Variants in TMEM132C observed in about 807,000 individuals in gnomAD.
The protein encoded by TMEM132C is protein phosphatase 1, regulatory subunit 152.
A neutral mutation model predicts 61.4 loss-of-function variants in TMEM132C; 29 were observed. The observed-to-expected ratio is 0.47, with a 90% CI of 0.35 to 0.64. The LOEUF (loss-of-function observed/expected upper bound fraction) is 0.64. TMEM132C is among the 30% of genes least tolerant of loss of function. The probability of loss-of-function intolerance (pLI) is 0.00; values close to 1 mark genes in which losing one functional copy is unlikely to be tolerated. For missense variants in TMEM132C, 1,408 were observed against 1,476.9 expected (o/e 0.95, Z 0.76); for synonymous variants, 656 against 633.1 (o/e 1.04, Z -0.54).
At chr12:128,536,538 A>AAAAAAGAG (rs1555230570) in intron 2 of TMEM132C, among the ~76,000 whole-genome samples, 1 of 151,170 alleles carries the variant, frequency 6.6e-6, no homozygotes, top group African/African-American at 2.4e-5. Context: ...ATGAAAAAAA[A>AAAAAAGAG]AGAGAAGGTG....
intron 1 of TMEM132C, among the ~76,000 whole-genome samples, chr12:128,311,660 G>A (rs1393685692): frequency 6.6e-6 from 1 of 152,170 alleles, no homozygotes; most frequent in Non-Finnish European, 1.5e-5. Flanking sequence ...AAGAAACGTG[G>A]CACCCCCGCC....
intron 2 of TMEM132C, among the ~76,000 whole-genome samples, chr12:128,474,142 G>A (rs1036961280): frequency 1.3e-5 from 2 of 152,168 alleles, no homozygotes; most frequent in African/African-American, 2.4e-5. Context: ...AATCTGCCCA[G>A]GGCTGAAACA....
intron 1 of TMEM132C, 52 bp from the exon 2 acceptor site, chr12:128,414,680 C>T (rs1342110816): frequency 1.4e-6 from 2 of 1,456,574 alleles, no homozygotes; most frequent in Non-Finnish European, 1.8e-6. Flanking sequence ...ATGAGCAGCC[C>T]ATTAATAATC....
At chr12:128,538,118 G>GGTA (rs1246263332) in intron 2 of TMEM132C, among the ~76,000 whole-genome samples, 6 of 103,652 alleles carry the variant, frequency 5.8e-5, no homozygotes, top group South Asian at 3.2e-4. Context: ...TACTAGTGGT[G>GGTA]GTAGTAGTAG....
intron 5 of TMEM132C, among the ~76,000 whole-genome samples, chr12:128,685,676 A>G (rs77925057): frequency 0.049 from 7,484 of 152,274 alleles, 592 homozygotes; most frequent in African/African-American, 0.17. Flanking sequence ...GACCCTGTCC[A>G]TGATGGAGGA....
intron 1 of TMEM132C, among the ~76,000 whole-genome samples, chr12:128,384,865 C>G (rs145096613): frequency 1.3e-3 from 197 of 152,272 alleles, no homozygotes; most frequent in African/African-American, 4.3e-3. Context: ...AGCCTCATGC[C>G]AAATGCCATG....
chr12:128,413,298 C>CAAAAAAAAA (rs56026776), intron 1 of TMEM132C, among the ~76,000 whole-genome samples: 3 of 60,572 alleles, frequency 5.0e-5, no homozygotes, highest in Admixed American at 3.1e-4. Flanking sequence ...GACTCTGTCT[C>CAAAAAAAAA]AAAAAAAAAA....
chr12:128,673,037 G>A (rs1954547878), intron 5 of TMEM132C, among the ~76,000 whole-genome samples: 1 of 152,196 alleles, frequency 6.6e-6, no homozygotes, highest in Non-Finnish European at 1.5e-5. Context: ...ATGCAGAAGA[G>A]GCCAGTGACA....
intron 2 of TMEM132C, among the ~76,000 whole-genome samples, chr12:128,525,560 T>G (rs2136131080): frequency 6.6e-6 from 1 of 152,284 alleles, no homozygotes; most frequent in East Asian, 1.9e-4. Flanking sequence ...GTGCTCTGTG[T>G]CAGTGGCACA....
intron 8 of TMEM132C, among the ~76,000 whole-genome samples, chr12:128,698,873 G>A (rs1160664201): frequency 6.6e-6 from 1 of 152,192 alleles, no homozygotes; most frequent in Non-Finnish European, 1.5e-5. Flanking sequence ...CAGGGCCCAG[G>A]GGTTAGTAGC....
At chr12:128,523,477 C>A (rs567226722) in intron 2 of TMEM132C, among the ~76,000 whole-genome samples, 1 of 152,056 alleles carries the variant, frequency 6.6e-6, no homozygotes, top group African/African-American at 2.4e-5. Flanking sequence ...TCTCTTTGAG[C>A]TGAAAAAATC....
intron 4 of TMEM132C, among the ~76,000 whole-genome samples, chr12:128,642,801 G>A (rs111485726): frequency 1.2e-3 from 189 of 152,318 alleles, no homozygotes; most frequent in African/African-American, 4.3e-3. Context: ...AGAAGCGGAG[G>A]CACAGAACGG....
intron 4 of TMEM132C, among the ~76,000 whole-genome samples, chr12:128,639,420 A>G (rs528682828): frequency 2.0e-5 from 3 of 151,930 alleles, no homozygotes; most frequent in African/African-American, 7.3e-5. Context: ...TGATGATAAT[A>G]ATGATGGCAA....
intron 2 of TMEM132C, among the ~76,000 whole-genome samples, chr12:128,473,655 A>ACTTCAGCCTCTATCTTC (rs1871059461): frequency 4.3e-5 from 1 of 23,456 alleles, no homozygotes; most frequent in Non-Finnish European, 8.4e-5. Context: ...CCTCCATTTT[A>ACTTCAGCCTCTATCTTC]ATTCTCACTC....
chr12:128,431,930 C>G (rs1279400651), intron 2 of TMEM132C, among the ~76,000 whole-genome samples: 1 of 152,140 alleles, frequency 6.6e-6, no homozygotes, highest in Non-Finnish European at 1.5e-5. Flanking sequence ...CAGCTGGTGA[C>G]TTTCAGTTGC....
intron 4 of TMEM132C, 49 bp from the exon 5 acceptor site, chr12:128,669,368 C>T: frequency 1.9e-6 from 3 of 1,544,500 alleles, no homozygotes; most frequent in Non-Finnish European, 2.6e-6. Flanking sequence ...CAGTTCCCAA[C>T]AGAATGGAAT....
intron 1 of TMEM132C, among the ~76,000 whole-genome samples, chr12:128,302,113 C>T (rs1010766843): frequency 2.6e-5 from 4 of 152,190 alleles, no homozygotes; most frequent in Non-Finnish European, 5.9e-5. Flanking sequence ...AGCCAAACCA[C>T]ATCAGTTATA....
intron 2 of TMEM132C, among the ~76,000 whole-genome samples, chr12:128,520,289 C>T (rs796834644): frequency 5.9e-5 from 9 of 152,314 alleles, no homozygotes; most frequent in African/African-American, 1.4e-4. Context: ...TGTCTACCAA[C>T]GTTTTCTTCT....
At chr12:128,663,398 T>A (rs187094996) in intron 4 of TMEM132C, among the ~76,000 whole-genome samples, 2 of 152,346 alleles carry the variant, frequency 1.3e-5, no homozygotes, top group East Asian at 3.9e-4. Context: ...GATCCATCCA[T>A]GTTGTTGCAT....
Sources: gnomAD v4.1 joint callset for allele counts (sites outside exome capture counted in the v4.1 genomes callset) on GRCh38, gnomAD v4.1.1 for gene constraint, MANE v1.5 for transcripts, NCBI Gene and HGNC (gene_info 2026-07-23, HGNC 2026-07-21) for gene names.